JARID2: variants seen among roughly 807,000 people sequenced by gnomAD.
JARID2 encodes the protein jumonji and AT-rich interaction domain containing 2, also known as protein Jumonji.
JARID2 carries 21 observed loss-of-function variants against 125.6 expected under a neutral mutation model. The ratio of observed to expected loss-of-function variants is 0.17; its 90% CI spans 0.12 to 0.24. The LOEUF (loss-of-function observed/expected upper bound fraction) is 0.24. Ranked by LOEUF, JARID2 falls within the 10% of genes least tolerant of loss-of-function variation. The pLI, the probability that JARID2 is intolerant of heterozygous loss-of-function variation, is 1.00. For synonymous variants in JARID2, 736 were observed against 661.6 expected (o/e 1.11, Z -1.73); for missense variants, 1,303 against 1,639.6 (o/e 0.79, Z 3.55).
chr6:15,504,871 TCTC>T lies in JARID2; in HGVS notation c.2541+285_2541+287del, dbSNP rs1331943106. On this transcript the variant is annotated intron_variant, in intron 9 of 17. Coordinates refer to ENST00000341776, the MANE Select transcript of JARID2 (RefSeq NM_004973.4). ...GCACGTCCCCTGCTCCCCGTCACTG[TCTC>T]CTCCTGCTTGCTCACCCGGCTGTTT... 2.0e-5 allele frequency among the ~76,000 whole-genome samples: 3 copies of T among 152,252 alleles called. No homozygotes were observed. In the South Asian group the frequency reaches 6.2e-4, roughly 32 times the overall value.
intron 11 of JARID2, 86 bp downstream of exon 11, chr6:15,507,502 AGCACTGC>A: frequency 8.7e-7 from 1 of 1,143,412 alleles, no homozygotes; most frequent in Non-Finnish European, 1.3e-6. Flanking sequence ...ATCCCTTCTA[AGCACTGC>A]CGGGGAGGGA....
At chr6:15,315,726 TTTTCAAGTTCTG>T (rs1370058672) in intron 1 of JARID2, among the ~76,000 whole-genome samples, 9 of 152,322 alleles carry the variant, frequency 5.9e-5, no homozygotes, top group Middle Eastern at 3.4e-3. Context: ...CAATTCTGTT[TTTTCAAGTTCTG>T]TTTCAAGTTC....
At chr6:15,472,982 A>C (rs1258255734) in intron 5 of JARID2, among the ~76,000 whole-genome samples, 3 of 152,270 alleles carry the variant, frequency 2.0e-5, no homozygotes, top group Non-Finnish European at 2.9e-5. Context: ...CAAAGAGACA[A>C]GCACGAAACC....
intron 1 of JARID2, among the ~76,000 whole-genome samples, chr6:15,303,615 C>G (rs1761709554): frequency 6.6e-6 from 1 of 152,180 alleles, no homozygotes; most frequent in Non-Finnish European, 1.5e-5. Flanking sequence ...AAATAATACC[C>G]AATGTGAGAA....
intron 1 of JARID2, among the ~76,000 whole-genome samples, chr6:15,350,189 A>G (rs537639884): frequency 1.3e-5 from 2 of 152,194 alleles, no homozygotes; most frequent in Non-Finnish European, 2.9e-5. Flanking sequence ...TACATCAGTA[A>G]CGTCACAGAA....
intron 1 of JARID2, among the ~76,000 whole-genome samples, chr6:15,277,948 AT>A (rs1431814160): frequency 1.3e-5 from 2 of 152,154 alleles, no homozygotes; most frequent in African/African-American, 4.8e-5. Flanking sequence ...GAAAAACCCC[AT>A]AAAAAAGGTG....
At chr6:15,434,369 T>G (rs1032139635) in intron 3 of JARID2, among the ~76,000 whole-genome samples, 1 of 152,132 alleles carries the variant, frequency 6.6e-6, no homozygotes, top group African/African-American at 2.4e-5. Flanking sequence ...GTGTTGCACA[T>G]AGATAGATTA....
At chr6:15,398,040 T>A (rs752750486) in intron 2 of JARID2, among the ~76,000 whole-genome samples, 11 of 152,212 alleles carry the variant, frequency 7.2e-5, no homozygotes, top group Non-Finnish European at 1.3e-4. Context: ...AACTTGATGT[T>A]GAGTTGGAAA....
intron 2 of JARID2, among the ~76,000 whole-genome samples, chr6:15,398,514 T>C (rs1276496707): frequency 6.6e-6 from 1 of 152,214 alleles, no homozygotes; most frequent in African/African-American, 2.4e-5. Flanking sequence ...TCTTCTTTAG[T>C]AGGGGACCAA....
intron 2 of JARID2, among the ~76,000 whole-genome samples, chr6:15,379,254 G>A (rs912912284): frequency 3.9e-5 from 6 of 152,048 alleles, no homozygotes; most frequent in Admixed American, 3.3e-4. Context: ...TGATGCCATC[G>A]TTACAGCTTG....
At chr6:15,445,564 C>G (rs1004201404) in intron 3 of JARID2, among the ~76,000 whole-genome samples, 1 of 152,130 alleles carries the variant, frequency 6.6e-6, no homozygotes, top group African/African-American at 2.4e-5. Context: ...GATCTTTCCC[C>G]CTTCGAGCTC....
rs1760630415 is a variant in JARID2, at chr6:15,278,622, T to TAATAGTGTAGCTGGCGGGTGAA, written c.45+32053_45+32054insGGGTGAAAATAGTGTAGCTGGC. On this transcript the variant is annotated intron_variant, in intron 1 of 17. Coordinates refer to ENST00000341776, the MANE Select transcript of JARID2 (RefSeq NM_004973.4). ...AATAAAAAAAGAAAGGTGAGCTCTG[T>TAATAGTGTAGCTGGCGGGTGAA]AATAGTGTAGCTGGCTGGTGAAAAT... 2.6e-5 allele frequency among the ~76,000 whole-genome samples: 4 copies of TAATAGTGTAGCTGGCGGGTGAA among 152,106 alleles called. No individual in the cohort carries two copies. In the South Asian group the frequency reaches 8.3e-4, roughly 32 times the overall value.
chr6:15,266,541 G>A (rs1019016430), intron 1 of JARID2, among the ~76,000 whole-genome samples: 1 of 152,174 alleles, frequency 6.6e-6, no homozygotes, highest in Non-Finnish European at 1.5e-5. Flanking sequence ...GCAGCGCTTG[G>A]TTGCACTTCC....
intron 1 of JARID2, among the ~76,000 whole-genome samples, chr6:15,288,317 A>G: frequency 6.8e-6 from 1 of 147,506 alleles, no homozygotes. Context: ...GGTTGGAGAA[A>G]AGGGGAGATG....
At chr6:15,497,317 T>TC (rs1581646554) in intron 7 of JARID2, 147 bp downstream of exon 7, 4 of 670,186 alleles carry the variant, frequency 6.0e-6, no homozygotes, top group East Asian at 5.6e-5. Flanking sequence ...CTCAGCTCAT[T>TC]CCCCCTGCAG....
At chr6:15,459,058 A>G (rs1179800443) in intron 4 of JARID2, among the ~76,000 whole-genome samples, 2 of 152,222 alleles carry the variant, frequency 1.3e-5, no homozygotes, top group African/African-American at 4.8e-5. Context: ...GAAGGCTGGC[A>G]TGTCTTGGGC....
chr6:15,458,125 C>G (rs1291176936), intron 4 of JARID2, among the ~76,000 whole-genome samples: 2 of 152,172 alleles, frequency 1.3e-5, no homozygotes, highest in African/African-American at 4.8e-5. Context: ...TGCAGTGATT[C>G]GTACCATCGC....
intron 3 of JARID2, among the ~76,000 whole-genome samples, chr6:15,429,084 A>AT (rs1364249921): frequency 6.6e-6 from 1 of 152,062 alleles, no homozygotes; most frequent in Non-Finnish European, 1.5e-5. Context: ...GGGGCGAGGA[A>AT]TAGGTAGTCT....
At chr6:15,519,974 GC>G (rs1771754406) in intron 17 of JARID2, 94 bp from the exon 18 acceptor site, 1 of 959,986 alleles carries the variant, frequency 1.0e-6, no homozygotes, top group African/African-American at 1.7e-5. Flanking sequence ...GGGGACCGCT[GC>G]CCTCTGCCCT....
Sources: gnomAD v4.1 joint callset for allele counts (sites outside exome capture counted in the v4.1 genomes callset) on GRCh38, gnomAD v4.1.1 for gene constraint, MANE v1.5 for transcripts, NCBI Gene and HGNC (gene_info 2026-07-23, HGNC 2026-07-21) for gene names.